Variants in STMN4 observed in about 807,000 individuals in gnomAD.
STMN4 encodes stathmin-4.
STMN4 carries 12 observed loss-of-function variants against 29.1 expected under a neutral mutation model. The ratio of observed to expected loss-of-function variants is 0.41; its 90% CI spans 0.26 to 0.67. STMN4 has a LOEUF of 0.67. Ranked by LOEUF, STMN4 falls within the 30% of genes least tolerant of loss-of-function variation. The pLI is 0.30. For missense variants in STMN4, 181 were observed against 262.8 expected, an observed-to-expected ratio of 0.69 and a Z score of 2.15; for synonymous variants, 114 against 105.3, an observed-to-expected ratio of 1.08 and a Z score of -0.51.
At chr8:27,242,532 T>C (rs1801506574) in intron 2 of STMN4, 40 bp from the exon 3 acceptor site, 3 of 1,601,018 alleles carry the variant, frequency 1.9e-6, no homozygotes, top group East Asian at 2.2e-5. Context: ...GCGCCTCTCC[T>C]AGCCTCAGAA....
intron 1 of STMN4, among the ~76,000 whole-genome samples, chr8:27,256,854 C>G (rs1391785047): frequency 6.6e-6 from 1 of 152,066 alleles, no homozygotes; most frequent in Non-Finnish European, 1.5e-5. Flanking sequence ...GGTGGCCATC[C>G]AACTTCTGCT....
chr8:27,241,590 C>A, intron 4 of STMN4, 87 bp downstream of exon 4: 1 of 1,484,096 alleles, frequency 6.7e-7, no homozygotes, highest in South Asian at 1.2e-5. Context: ...TGGTGACAGG[C>A]AGGGGTGCGT....
Position 27,249,016 on chromosome 8 carries a change from A to G in STMN4, c.-78-5215T>C, listed in dbSNP as rs562071549. 1.5e-4 allele frequency among the ~76,000 whole-genome samples: 23 copies of G among 152,350 alleles called. No individual in the cohort carries two copies. In the East Asian group the frequency reaches 4.2e-3, roughly 28 times the overall value. ...ACCAGCATCTAAGAGTCTGTACAGA[A>G]AAGCAAGGAACCAGAGCTTTTTGTT... On this transcript the variant is annotated intron_variant, in intron 1 of 6. Transcript: ENST00000350889.
chr8:27,253,811 C>G (rs1801861008), intron 1 of STMN4, among the ~76,000 whole-genome samples: 1 of 147,440 alleles, frequency 6.8e-6, no homozygotes, highest in Non-Finnish European at 1.5e-5. Context: ...AAGACGGAGT[C>G]TTGCTCTGTC....
At chr8:27,240,240 G>A in intron 5 of STMN4, 78 bp from the exon 6 acceptor site, 1 of 1,501,940 alleles carries the variant, frequency 6.7e-7, no homozygotes, top group Admixed American at 2.0e-5. Context: ...TGGCTGAAAA[G>A]CTGCACACTC....
rs191823110 is a variant in STMN4, at chr8:27,248,587, T to C, written c.-78-4786A>G. Among the ~76,000 whole-genome samples the C allele has an allele frequency of 2.0e-4, 30 of 152,264 alleles. No individual in the cohort carries two copies. In the East Asian group the frequency reaches 5.8e-3, roughly 29 times the overall value. ...GAATGAGGGGAGAAGAGAACAGTGA[T>C]GCTGATAATAATAGCAATAATAACA... On this transcript the variant is annotated intron_variant, in intron 1 of 6. Coordinates refer to ENST00000350889, the MANE Select transcript of STMN4 (RefSeq NM_030795.4).
intron 6 of STMN4, 115 bp from the exon 7 acceptor site, chr8:27,237,020 G>T: frequency 8.6e-7 from 1 of 1,164,030 alleles, no homozygotes; most frequent in African/African-American, 1.5e-5. Flanking sequence ...GCAGCGAAGA[G>T]CTCTGTCTGC....
intron 2 of STMN4, among the ~76,000 whole-genome samples, chr8:27,243,223 C>T (rs887002926): frequency 6.6e-6 from 1 of 152,040 alleles, no homozygotes; most frequent in Non-Finnish European, 1.5e-5. Context: ...GCAGGTGTTG[C>T]CCCCATCCTC....
intron 1 of STMN4, among the ~76,000 whole-genome samples, chr8:27,246,623 C>G (rs1034215408): frequency 5.3e-5 from 8 of 152,106 alleles, no homozygotes; most frequent in Non-Finnish European, 1.2e-4. Flanking sequence ...CCTGAGAAAG[C>G]CTTAAACCCA....
intron 1 of STMN4, among the ~76,000 whole-genome samples, chr8:27,247,305 T>C (rs1419215448): frequency 3.4e-5 from 5 of 147,970 alleles, no homozygotes; most frequent in African/African-American, 1.0e-4. Flanking sequence ...TGTGGGTCCA[T>C]AGGGCCCTTA....
In STMN4 at chr8:27,235,607, T is replaced by G. The variant is rs1055963445; in HGVS notation, c.*1239A>C. The G allele has an allele frequency of 6.6e-6, 1 of 152,268 alleles. No homozygotes were observed. Among genetic ancestry groups the G allele is most frequent in the Non-Finnish European group, 1.5e-5 (1 of 68,086 alleles). 9.4% of individuals were successfully genotyped at this position (152,268 alleles called of 1,614,324 possible). A position where few individuals can be genotyped will look rare whatever the true frequency, so the allele number is the denominator to read the frequency against. ...CTCAAACCCCCAAAGCATGGAGGAC[T>G]TCTGCTATGGTGTGAATGTTGCTGT... On this transcript the variant is annotated 3_prime_UTR_variant, in exon 7 of 7. Transcript: ENST00000350889.
intron 1 of STMN4, among the ~76,000 whole-genome samples, chr8:27,246,988 C>T (rs895373138): frequency 6.6e-6 from 1 of 152,082 alleles, no homozygotes; most frequent in Non-Finnish European, 1.5e-5. Context: ...GGCGTGGTGC[C>T]TCATGCTGTA....
chr8:27,241,291 C>A (rs1403387150), intron 4 of STMN4, 29 bp from the exon 5 acceptor site: 8 of 1,613,482 alleles, frequency 5.0e-6, no homozygotes, highest in Non-Finnish European at 5.9e-6. Flanking sequence ...GGGCTGCTCA[C>A]GTCCTGAAGA....
chr8:27,245,625 C>T (rs771521528), intron 1 of STMN4, among the ~76,000 whole-genome samples: 8 of 152,242 alleles, frequency 5.3e-5, no homozygotes, highest in Non-Finnish European at 1.2e-4. Flanking sequence ...ATCCCGCAGT[C>T]TCTGCTCATG....
chr8:27,251,407 T>C (rs1326825296), intron 1 of STMN4, among the ~76,000 whole-genome samples: 1 of 151,514 alleles, frequency 6.6e-6, no homozygotes, highest in Non-Finnish European at 1.5e-5. Context: ...ACTTCCATTC[T>C]GGGCTGCTGG....
chr8:27,245,325 TG>T (rs1209119835), intron 1 of STMN4, among the ~76,000 whole-genome samples: 3 of 152,246 alleles, frequency 2.0e-5, no homozygotes, highest in Non-Finnish European at 2.9e-5. Context: ...AAGTAAGGAC[TG>T]TTGTTGCCAT....
chr8:27,241,488 A>G (rs1364465570), intron 4 of STMN4, among the ~76,000 whole-genome samples, 189 bp downstream of exon 4: 1 of 152,196 alleles, frequency 6.6e-6, no homozygotes, highest in African/African-American at 2.4e-5. Flanking sequence ...AGGGGGCCCC[A>G]GGCAATGTGA....
At chr8:27,252,467 T>C (rs1801818881) in intron 1 of STMN4, among the ~76,000 whole-genome samples, 1 of 152,122 alleles carries the variant, frequency 6.6e-6, no homozygotes, top group Non-Finnish European at 1.5e-5. Context: ...AAAAAATTTT[T>C]TAAGGTAGAG....
At position 27,235,448 on chromosome 8, in the gene STMN4, GGGA is replaced by G. The variant is rs1335904565; in HGVS notation, c.*1395_*1397del. 2 of 152,438 alleles carry G rather than the reference GGGA, an allele frequency of 1.3e-5. No individual in the cohort carries two copies. The highest frequency in any genetic ancestry group is 6.5e-5 in the Admixed American group (1 of 15,292). The allele number at this position is 152,438 out of a possible 1,614,324, so 9.4% of individuals were successfully genotyped here. On this transcript the variant is annotated 3_prime_UTR_variant, in exon 7 of 7. Transcript: ENST00000350889. ...CCCTGCACTCATGTTTGCAGGGGAA[GGGA>G]GGAGGAGAGCTTCTTTTCCAGCCAT...
Sources: gnomAD v4.1 joint callset for allele counts (sites outside exome capture counted in the v4.1 genomes callset) on GRCh38, gnomAD v4.1.1 for gene constraint, MANE v1.5 for transcripts, NCBI Gene and HGNC (gene_info 2026-07-23, HGNC 2026-07-21) for gene names.